GUCY2F: variants seen among roughly 807,000 people sequenced by gnomAD.
GUCY2F encodes retinal guanylyl cyclase 2.
In GUCY2F, 61 loss-of-function variants were observed where a neutral mutation model predicts 73.1. The observed-to-expected ratio is 0.83, with a 90% confidence interval of 0.68 to 1.03. GUCY2F has a LOEUF of 1.03. Among genes scored for constraint, GUCY2F ranks in the 50% least tolerant of loss-of-function variants. The probability of loss-of-function intolerance (pLI) is 0.00; values close to 1 mark genes in which losing one functional copy is unlikely to be tolerated. For missense variants in GUCY2F, 912 were observed against 854.3 expected (o/e 1.07, Z -0.84); for synonymous variants, 331 against 307.8 (o/e 1.08, Z -0.79).
At chrX:109,398,913 C>T (rs750789451) in intron 10 of GUCY2F, among the ~76,000 whole-genome samples, 4 of 111,877 alleles carry the variant, frequency 3.6e-5, no homozygotes, top group African/African-American at 6.5e-5. Flanking sequence ...CCCAGGACCA[C>T]GCAGGCAGAC....
At chrX:109,401,191 G>C (rs192786470) in intron 10 of GUCY2F, among the ~76,000 whole-genome samples, 2,656 of 112,012 alleles carry the variant, frequency 0.024, 55 homozygotes, top group Admixed American at 0.1. Flanking sequence ...CCAGAACCAA[G>C]TAAGAGCCAC....
chrX:109,380,526 G>A (rs1049418375), intron 17 of GUCY2F, among the ~76,000 whole-genome samples: 3 of 110,215 alleles, frequency 2.7e-5, no homozygotes, highest in Non-Finnish European at 5.7e-5. Context: ...CCTCTGAGGC[G>A]CCCTCTTCTC....
chrX:109,447,118 A>G (rs1932030572), intron 6 of GUCY2F, among the ~76,000 whole-genome samples: 2 of 111,996 alleles, frequency 1.8e-5, no homozygotes, highest in African/African-American at 6.5e-5. Context: ...TTAAAAAGTC[A>G]GGAAACAACA....
At chrX:109,416,932 G>GTAAAAAA (rs1931256814) in intron 8 of GUCY2F, among the ~76,000 whole-genome samples, 3 of 76,495 alleles carry the variant, frequency 3.9e-5, no homozygotes, top group African/African-American at 2.1e-4. Context: ...ACAAAGAAAT[G>GTAAAAAA]CAAAAAAAAA....
chrX:109,424,009 G>GA (rs1395811885), intron 8 of GUCY2F, among the ~76,000 whole-genome samples: 2 of 111,487 alleles, frequency 1.8e-5, no homozygotes, highest in Middle Eastern at 4.2e-3. Context: ...TGCTGATTAA[G>GA]AAAAAAACAT....
At chrX:109,428,606 T>C (rs996166051) in intron 8 of GUCY2F, among the ~76,000 whole-genome samples, 6 of 111,955 alleles carry the variant, frequency 5.4e-5, no homozygotes, top group African/African-American at 1.9e-4. Context: ...ATTAGCTGTA[T>C]TGTATAAGAC....
At chrX:109,438,503 G>A (rs1931802954) in intron 7 of GUCY2F, among the ~76,000 whole-genome samples, 2 of 113,091 alleles carry the variant, frequency 1.8e-5, no homozygotes, top group Middle Eastern at 9.2e-3. Flanking sequence ...AAAATGAGAA[G>A]TAGGCAAGAA....
At chrX:109,405,100 G>T (rs914314168) in intron 9 of GUCY2F, among the ~76,000 whole-genome samples, 1 of 111,778 alleles carries the variant, frequency 8.9e-6, no homozygotes, top group Non-Finnish European at 1.9e-5. Flanking sequence ...CACTTAAAAA[G>T]AATAAGATAG....
chrX:109,419,660 G>GA (rs767789299), intron 8 of GUCY2F, among the ~76,000 whole-genome samples: 13 of 109,760 alleles, frequency 1.2e-4, no homozygotes, highest in African/African-American at 2.0e-4. Flanking sequence ...ACTTTGATAA[G>GA]AAAAAATAAA....
chrX:109,458,814 T>C (rs771258006), intron 3 of GUCY2F, among the ~76,000 whole-genome samples: 5 of 111,463 alleles, frequency 4.5e-5, no homozygotes, highest in Non-Finnish European at 9.4e-5. Flanking sequence ...ATTCATTTAA[T>C]CCTCACAAGA....
intron 17 of GUCY2F, among the ~76,000 whole-genome samples, chrX:109,380,710 G>A (rs779543202): frequency 8.0e-5 from 9 of 111,913 alleles, no homozygotes; most frequent in South Asian, 7.5e-4. Context: ...TCCTGATTTT[G>A]TACTTGAAAC....
chrX:109,461,327 T>C (rs1161802018), intron 3 of GUCY2F, among the ~76,000 whole-genome samples: 2 of 112,489 alleles, frequency 1.8e-5, no homozygotes, highest in African/African-American at 6.4e-5. Flanking sequence ...GTTATTGATA[T>C]AAACCTTTTA....
At chrX:109,472,659 A>C (rs1373031221) in intron 2 of GUCY2F, among the ~76,000 whole-genome samples, 1 of 111,906 alleles carries the variant, frequency 8.9e-6, no homozygotes, top group Non-Finnish European at 1.9e-5. Context: ...TGTTGACCCA[A>C]TCTGTACTCA....
intron 6 of GUCY2F, among the ~76,000 whole-genome samples, chrX:109,442,855 G>A (rs984132813): frequency 9.0e-6 from 1 of 111,580 alleles, no homozygotes; most frequent in Non-Finnish European, 1.9e-5. Context: ...TCATATCTCA[G>A]CAGGAGTACC....
intron 7 of GUCY2F, among the ~76,000 whole-genome samples, chrX:109,435,922 G>C (rs1931734835): frequency 9.0e-6 from 1 of 111,087 alleles, no homozygotes; most frequent in Non-Finnish European, 1.9e-5. Flanking sequence ...TTATATGCTG[G>C]ATTACATTTA....
Position 109,423,962 on chromosome X carries a change from T to C in GUCY2F, c.1791+6345A>G, listed in dbSNP as rs767643774. ...AATCAACAAAGTTCAAAGTTGATAT[T>C]TGGAAAAGATGAATAGAATTAATAA... On this transcript the variant is annotated intron_variant, in intron 8 of 19. Transcript: ENST00000218006. Among the ~76,000 whole-genome samples, 6 of 111,299 alleles carry C rather than the reference T, an allele frequency of 5.4e-5. No individual in the cohort carries two copies. In the East Asian group the frequency reaches 1.7e-3, roughly 31 times the overall value.
chrX:109,452,944 T>C (rs1271385242), intron 4 of GUCY2F, among the ~76,000 whole-genome samples: 1 of 111,557 alleles, frequency 9.0e-6, no homozygotes, highest in Non-Finnish European at 1.9e-5. Flanking sequence ...AATTATTAGC[T>C]ATGGTCCCTA....
At chrX:109,434,980 A>C (rs1175843510) in intron 7 of GUCY2F, among the ~76,000 whole-genome samples, 1 of 109,141 alleles carries the variant, frequency 9.2e-6, no homozygotes, top group Non-Finnish European at 1.9e-5. Context: ...TGTTCCATTG[A>C]TCTATATGTC....
rs775066904 is a variant in GUCY2F at position 109,392,093 on chromosome X, C to T, written c.2599G>A (p.Glu867Lys). Residue 867 changes from glutamate to lysine, a missense_variant, in exon 14 of 20, where the codon GAA becomes AAA. Coordinates refer to ENST00000218006, the MANE Select transcript of GUCY2F (RefSeq NM_001522.3). Reference sequence around the variant, plus strand: ...ACTGTGCAGCCCTTTTTGAGAGATTCAGCAACTGATCTGAAAAGCAGACAC... The same window carrying T: ...ACTGTGCAGCCCTTTTTGAGAGATTTAGCAACTGATCTGAAAAGCAGACAC... ...LTQMLPPSVA[E>K]SLKKGCTVEP... The T allele has an allele frequency of 1.7e-5, 20 of 1,196,209 alleles. No individual in the cohort carries two copies. The Admixed American group carries it at 4.2e-4, about 25-fold the overall frequency.
Sources: allele counts gnomAD v4.1 joint callset (sites outside exome capture counted in the v4.1 genomes callset), GRCh38; gene constraint gnomAD v4.1.1; transcripts MANE v1.5; gene names NCBI Gene and HGNC (gene_info 2026-07-23, HGNC 2026-07-21).